Variants in ERICH3 observed in about 807,000 individuals in gnomAD.
ERICH3 encodes the protein glutamate-rich protein 3.
Under a neutral mutation model 131.1 loss-of-function variants are expected in ERICH3, and 126 were observed. The ratio of observed to expected loss-of-function variants is 0.96; its 90% CI spans 0.83 to 1.11. The LOEUF is 1.11. Among genes scored for constraint, ERICH3 ranks in the 50% most tolerant of loss-of-function variants. The probability of loss-of-function intolerance (pLI) is 0.00; values close to 1 mark genes in which losing one functional copy is unlikely to be tolerated. For synonymous variants in ERICH3, 695 were observed against 644.6 expected (o/e 1.08, Z -1.18); for missense variants, 2,050 against 1,810.7 (o/e 1.13, Z -2.40).
intron 7 of ERICH3, among the ~76,000 whole-genome samples, chr1:74,630,150 G>GC (rs957988582): frequency 1.3e-5 from 2 of 152,054 alleles, no homozygotes; most frequent in African/African-American, 4.8e-5. Context: ...ATCAAATCCT[G>GC]CCCCCCAAGT....
In ERICH3 at chr1:74,571,334, G is replaced by T. The variant is rs1646940312; in HGVS notation, c.4376C>A (p.Thr1459Asn). Residue 1459 changes from threonine to asparagine, a missense_variant, in exon 14 of 15, where the codon ACT becomes AAT. By Grantham distance (65) the Thr-to-Asn change is moderately conservative (BLOSUM62 0). Coordinates refer to ENST00000326665, the MANE Select transcript of ERICH3 (RefSeq NM_001002912.5). Reference protein sequence around the residue: ...EEGSEGQEAATGSGDGRQETG... With the variant: ...EEGSEGQEAANGSGDGRQETG... ...CTCCTGCCTCCCATCGCCACTCCCA[G>T]TGGCTGCCTCCTGGCCCTCTGACCC... 6.2e-7 allele frequency: 1 copy of T among 1,613,950 alleles called. No homozygotes were observed. Among genetic ancestry groups the T allele is most frequent in the Non-Finnish European group, 8.5e-7 (1 of 1,180,002 alleles).
intron 9 of ERICH3, among the ~76,000 whole-genome samples, chr1:74,612,401 T>C (rs1186780697): frequency 1.3e-5 from 2 of 152,230 alleles, no homozygotes; most frequent in African/African-American, 4.8e-5. Flanking sequence ...TAAAATGCAC[T>C]AGCTTTTATC....
chr1:74,594,415 C>A (rs1335907684), intron 11 of ERICH3, among the ~76,000 whole-genome samples: 1 of 151,938 alleles, frequency 6.6e-6, no homozygotes, highest in Admixed American at 6.6e-5. Flanking sequence ...ACCAGTCCAG[C>A]AAATCCAGGA....
Position 74,643,062 on chromosome 1 carries a change from T to A in ERICH3, c.280A>T (p.Thr94Ser). 6.2e-7 allele frequency: 1 copy of A among 1,611,300 alleles called. No homozygotes were observed. The highest frequency in any genetic ancestry group is 8.5e-7 in the Non-Finnish European group (1 of 1,178,416). Residue 94 changes from threonine to serine, a missense_variant, in exon 4 of 15, where the codon ACC (threonine) becomes TCC (serine). Physicochemically the swap from Thr to Ser is moderately conservative, Grantham distance 58. Coordinates refer to ENST00000326665, the MANE Select transcript of ERICH3 (RefSeq NM_001002912.5). ...TGGATTCGCTCCTTCCTAGCTAAGG[T>A]CTCCAATTTCTTTTTTATTTCAAGC... ...HQLEIKKKLETLARKERIQRF... is the reference protein window; with the variant it reads ...HQLEIKKKLESLARKERIQRF...
chr1:74,606,573 A>C, intron 10 of ERICH3, 28 bp downstream of exon 10: 1 of 1,565,044 alleles, frequency 6.4e-7, no homozygotes, highest in Non-Finnish European at 8.7e-7. Flanking sequence ...CCACAGCTAC[A>C]ACAAAAGAAA....
At position 74,568,711 on chromosome 1, in the gene ERICH3, T is replaced by C. The variant is rs1646900961; in HGVS notation, c.*1747A>G. ...CATTTACTAGAGAAAGAAAGACAGA[T>C]AAATCAGAAGACAGGAAAAGACAGA... On this transcript the variant is annotated 3_prime_UTR_variant, in exon 15 of 15. Transcript: ENST00000326665. The C allele has an allele frequency of 1.3e-5, 2 of 152,112 alleles. No individual in the cohort carries two copies. Among genetic ancestry groups the C allele is most frequent in the South Asian group, 4.2e-4 (2 of 4,810 alleles). The allele number at this position is 152,112 out of a possible 1,614,324, so 9.4% of individuals were successfully genotyped here.
intron 2 of ERICH3, among the ~76,000 whole-genome samples, chr1:74,648,266 C>T (rs945311092): frequency 1.3e-5 from 2 of 152,116 alleles, no homozygotes; most frequent in African/African-American, 4.8e-5. Flanking sequence ...AGACTGTTAT[C>T]CAAAGAAGTG....
chr1:74,616,020 GAGA>G (rs1046373102), intron 8 of ERICH3, among the ~76,000 whole-genome samples: 19 of 151,920 alleles, frequency 1.3e-4, no homozygotes, highest in African/African-American at 4.4e-4. Flanking sequence ...TTGTTTTTTT[GAGA>G]AGGATTCTTG....
At chr1:74,620,561 A>G (rs699854) in intron 8 of ERICH3, among the ~76,000 whole-genome samples, 173 bp downstream of exon 8, 3,515 of 152,244 alleles carry the variant, frequency 0.023, 100 homozygotes, top group African/African-American at 0.067. Context: ...TTGCTGCTTC[A>G]GTTTCAATCA....
At chr1:74,591,421 G>A (rs1647596063) in intron 11 of ERICH3, among the ~76,000 whole-genome samples, 2 of 152,174 alleles carry the variant, frequency 1.3e-5, no homozygotes, top group African/African-American at 4.8e-5. Flanking sequence ...GGAAAAGTCA[G>A]ACATTAGCTA....
At chr1:74,605,989 T>G (rs182702680) in intron 10 of ERICH3, among the ~76,000 whole-genome samples, 1 of 137,484 alleles carries the variant, frequency 7.3e-6, no homozygotes, top group East Asian at 2.2e-4. Context: ...TGTATGTATA[T>G]ATATGAATGC....
chr1:74,673,804 TGCG>T, upstream of ERICH3: 2 of 367,128 alleles, frequency 5.4e-6, no homozygotes, highest in East Asian at 8.7e-5. Flanking sequence ...GAACCGAGCC[TGCG>T]GAAGCTGGAA....
chr1:74,660,561 A>G (rs1646630953), intron 1 of ERICH3, among the ~76,000 whole-genome samples: 1 of 149,756 alleles, frequency 6.7e-6, no homozygotes, highest in African/African-American at 2.4e-5. Context: ...AGAAGGCTCA[A>G]TATACATGTG....
chr1:74,644,788 T>C (rs144142088), intron 3 of ERICH3, among the ~76,000 whole-genome samples: 2 of 152,184 alleles, frequency 1.3e-5, no homozygotes, highest in African/African-American at 4.8e-5. Context: ...ATCTTCCACA[T>C]TTTTAGCAAC....
chr1:74,592,272 T>G (rs899294981), intron 11 of ERICH3: 2 of 152,172 alleles, frequency 1.3e-5, no homozygotes, highest in African/African-American at 4.8e-5. Flanking sequence ...CTCCATTTTA[T>G]AAAATCTGGA....
In ERICH3 at chr1:74,572,267, G is replaced by A; in HGVS notation, c.3443C>T (p.Ser1148Leu). 1.2e-6 allele frequency: 2 copies of A among 1,614,056 alleles called. No individual in the cohort carries two copies. Among genetic ancestry groups the A allele is most frequent in the South Asian group, 2.2e-5 (2 of 91,082 alleles). Residue 1148 changes from serine (S) to leucine (L), a missense_variant, in exon 14 of 15, where the codon TCA becomes TTA. By Grantham distance (145) the Ser-to-Leu change is moderately radical. Transcript: ENST00000326665. Reference protein sequence around the residue: ...SDNPGLLGEDSLKETVVPIFE... With the variant: ...SDNPGLLGEDLLKETVVPIFE... ...TATGGGAACCACTGTCTCTTTTAGT[G>A]AATCTTCTCCTAGAAGCCCTGGATT...
At chr1:74,576,488 A>G (rs1036178064) in intron 13 of ERICH3, among the ~76,000 whole-genome samples, 4 of 152,140 alleles carry the variant, frequency 2.6e-5, no homozygotes, top group African/African-American at 7.2e-5. Context: ...TGAGAAATGG[A>G]GCTCAGGGAA....
At chr1:74,610,979 C>T (rs571097012) in intron 9 of ERICH3, among the ~76,000 whole-genome samples, 1 of 152,242 alleles carries the variant, frequency 6.6e-6, no homozygotes, top group Admixed American at 6.5e-5. Context: ...CCTTCTTAGG[C>T]TAGTTCCTGT....
chr1:74,571,897 C>T lies in ERICH3; in HGVS notation c.3813G>A (p.Gln1271=). ...QGGVDVVLRT[Q]EAVAEEDPIM... is the part of the protein sequence containing the mutation. The stretch of plus-strand genomic sequence containing the variant: ...TGGGATCTTCCTCAGCAACAGCTTC[C>T]TGGGTCCTTAGCACGACATCCACTC... Residue 1271 remains glutamine (Q), a synonymous_variant, in exon 14 of 15, where the codon CAG becomes CAA. Coordinates refer to ENST00000326665, the MANE Select transcript of ERICH3 (RefSeq NM_001002912.5). 6.2e-7 allele frequency: 1 copy of T among 1,612,364 alleles called. No individual in the cohort carries two copies. The highest frequency in any genetic ancestry group is 8.5e-7 in the Non-Finnish European group (1 of 1,180,036).
Sources: gnomAD v4.1 joint callset for allele counts (sites outside exome capture counted in the v4.1 genomes callset) on GRCh38, gnomAD v4.1.1 for gene constraint, MANE v1.5 for transcripts, NCBI Gene and HGNC (gene_info 2026-07-23, HGNC 2026-07-21) for gene names.